Variants in CTNNA2 observed in about 807,000 individuals in gnomAD.
The protein encoded by CTNNA2 is catenin alpha 2.
Under a neutral mutation model 101.0 loss-of-function variants are expected in CTNNA2, and 42 were observed. The observed-to-expected ratio is 0.42, with a 90% CI of 0.32 to 0.54. The LOEUF (loss-of-function observed/expected upper bound fraction) is 0.54, where lower values mean the gene tolerates loss of function less well. Among genes scored for constraint, CTNNA2 ranks in the 20% least tolerant of loss-of-function variants. The pLI is 0.14. For synonymous variants in CTNNA2, 450 were observed against 456.4 expected (o/e 0.99, Z 0.18); for missense variants, 871 against 1,223.1 (o/e 0.71, Z 4.29).
chr2:80,313,173 A>G lies in CTNNA2; in HGVS notation c.1057-80038A>G, dbSNP rs113710881. ...CTGTTGCAGATCTATTAGTTGTAGG[A>G]AATCCCTCACCATCCATAAGCAACA... is the stretch of plus-strand genomic sequence containing the variant. On this transcript the variant is annotated intron_variant, in intron 7 of 18. Coordinates refer to ENST00000402739, the MANE Select transcript of CTNNA2 (RefSeq NM_001282597.3). 6.2e-3 allele frequency among the ~76,000 whole-genome samples: 950 copies of G among 152,364 alleles called. 10 individuals carry two copies. Among genetic ancestry groups the G allele is most frequent in the African/African-American group, 0.022 (904 of 41,586 alleles).
chr2:79,373,504 C>A (rs1677919177), intron 3 of CTNNA2, among the ~76,000 whole-genome samples: 1 of 152,102 alleles, frequency 6.6e-6, no homozygotes, highest in South Asian at 2.1e-4. Context: ...TTGATGCCAT[C>A]ATTATCAGCT....
Position 80,629,543 on chromosome 2 carries a change from T to C in CTNNA2, c.2574+10315T>C, listed in dbSNP as rs1672056288. The stretch of plus-strand genomic sequence containing the variant: ...GATCACACTTTTAAAAAAACACTGG[T>C]CTAGGAAGTGGAGGAAAGAGAAACC... On this transcript the variant is annotated intron_variant, in intron 18 of 18. Transcript: ENST00000402739. Among the ~76,000 whole-genome samples, 4 of 152,090 alleles carry C rather than the reference T, an allele frequency of 2.6e-5. No homozygotes were observed. In the South Asian group the frequency reaches 6.2e-4, roughly 24 times the overall value.
chr2:80,488,927 C>CCA (rs139010321), intron 9 of CTNNA2, among the ~76,000 whole-genome samples: 9 of 151,702 alleles, frequency 5.9e-5, no homozygotes, highest in Non-Finnish European at 8.8e-5. Flanking sequence ...ACACGTGTGC[C>CCA]CACACACACA....
intron 2 of CTNNA2, among the ~76,000 whole-genome samples, chr2:79,228,739 GA>G (rs1201928649): frequency 1.3e-5 from 2 of 151,966 alleles, no homozygotes; most frequent in East Asian, 3.9e-4. Context: ...TTGCTGGGCA[GA>G]AGCTCTTTAG....
At chr2:79,900,504 T>C (rs950385423) in intron 6 of CTNNA2, among the ~76,000 whole-genome samples, 1 of 152,206 alleles carries the variant, frequency 6.6e-6, no homozygotes, top group Non-Finnish European at 1.5e-5. Context: ...AGTCCTAAGC[T>C]AAACCAAAGC....
At chr2:79,227,724 A>C (rs917781981) in intron 2 of CTNNA2, among the ~76,000 whole-genome samples, 1 of 152,236 alleles carries the variant, frequency 6.6e-6, no homozygotes, top group Non-Finnish European at 1.5e-5. Flanking sequence ...GCTAATGATC[A>C]TCTGAGTCTT....
intron 9 of CTNNA2, among the ~76,000 whole-genome samples, chr2:80,439,610 G>C (rs908596449): frequency 6.6e-6 from 1 of 152,004 alleles, no homozygotes; most frequent in African/African-American, 2.4e-5. Flanking sequence ...CACGTTGGCC[G>C]GGCTGGTCTT....
chr2:79,842,233 T>C (rs895649267), intron 3 of CTNNA2, among the ~76,000 whole-genome samples: 2 of 152,224 alleles, frequency 1.3e-5, no homozygotes, highest in African/African-American at 4.8e-5. Flanking sequence ...TTAGAAATGG[T>C]TAAAAGCCCA....
intron 9 of CTNNA2, among the ~76,000 whole-genome samples, chr2:80,481,962 A>G (rs1686182236): frequency 6.6e-6 from 1 of 152,134 alleles, no homozygotes. Flanking sequence ...CCAAGTTTAG[A>G]TGGCCATATC....
At chr2:80,226,710 C>T (rs1005320188) in intron 7 of CTNNA2, among the ~76,000 whole-genome samples, 2 of 152,168 alleles carry the variant, frequency 1.3e-5, no homozygotes. Flanking sequence ...GATGGAGGTC[C>T]TGAGTGACAA....
intron 4 of CTNNA2, among the ~76,000 whole-genome samples, chr2:79,442,198 G>A (rs1011774891): frequency 3.4e-4 from 51 of 152,164 alleles, no homozygotes; most frequent in South Asian, 6.2e-4. Context: ...GCACAAATCA[G>A]TAGTATAAAA....
chr2:79,210,323 A>G (rs1674155605), intron 2 of CTNNA2, among the ~76,000 whole-genome samples: 1 of 152,214 alleles, frequency 6.6e-6, no homozygotes, highest in South Asian at 2.1e-4. Flanking sequence ...GACACAGTTT[A>G]TATGATTAAA....
chr2:79,443,117 GAACA>G (rs1678794278), intron 4 of CTNNA2, among the ~76,000 whole-genome samples: 1 of 152,182 alleles, frequency 6.6e-6, no homozygotes, highest in East Asian at 1.9e-4. Context: ...CAGAGAAACA[GAACA>G]AATAGAATAT....
At chr2:79,283,291 T>C (rs1198365337) in intron 2 of CTNNA2, among the ~76,000 whole-genome samples, 7 of 112,518 alleles carry the variant, frequency 6.2e-5, no homozygotes, top group African/African-American at 1.6e-4. Flanking sequence ...TTTTGTCTTT[T>C]GTTGCCATTG....
At chr2:80,344,230 A>G (rs1008531897) in intron 7 of CTNNA2, among the ~76,000 whole-genome samples, 3 of 151,584 alleles carry the variant, frequency 2.0e-5, no homozygotes, top group African/African-American at 7.3e-5. Context: ...CTTTTTTTTC[A>G]TTCCATATTA....
At chr2:80,434,485 C>CTTTTTTTTTTTTTTTT (rs1169944635) in intron 9 of CTNNA2, among the ~76,000 whole-genome samples, 2 of 89,960 alleles carry the variant, frequency 2.2e-5, no homozygotes, top group Non-Finnish European at 4.0e-5. Context: ...TTCTGTGTCT[C>CTTTTTTTTTTTTTTTT]TTTTTTTTTT....
intron 12 of CTNNA2, among the ~76,000 whole-genome samples, chr2:80,560,765 C>G (rs796714518): frequency 1.3e-5 from 2 of 152,202 alleles, no homozygotes; most frequent in South Asian, 2.1e-4. Context: ...AACTATTAGT[C>G]TTTTGACATT....
intron 3 of CTNNA2, among the ~76,000 whole-genome samples, chr2:79,753,786 T>C (rs1403153102): frequency 1.3e-5 from 2 of 152,170 alleles, no homozygotes; most frequent in Non-Finnish European, 2.9e-5. Context: ...CATGCAGTAT[T>C]TTCTTTGTTA....
intron 7 of CTNNA2, among the ~76,000 whole-genome samples, chr2:80,042,897 T>C (rs1696162151): frequency 6.6e-6 from 1 of 152,156 alleles, no homozygotes; most frequent in South Asian, 2.1e-4. Flanking sequence ...AGTTTGAGAC[T>C]GGGGTTGAGA....
Sources: allele counts gnomAD v4.1 joint callset (sites outside exome capture counted in the v4.1 genomes callset), GRCh38; gene constraint gnomAD v4.1.1; transcripts MANE v1.5; gene names NCBI Gene and HGNC (gene_info 2026-07-23, HGNC 2026-07-21).